The following B2M variants were observed in gnomAD, a reference collection of about 807,000 sequenced individuals.
B2M encodes beta chain of MHC class I molecules.
A neutral mutation model predicts 14.5 loss-of-function variants in B2M; 3 were observed. The observed-to-expected ratio is 0.21, with a 90% CI of 0.09 to 0.53. B2M has a LOEUF of 0.53. Among genes scored for constraint, B2M ranks in the 20% least tolerant of loss-of-function variants. The probability of loss-of-function intolerance (pLI) is 0.95; values close to 1 mark genes in which losing one functional copy is unlikely to be tolerated. For missense variants in B2M, 107 were observed against 140.8 expected (o/e 0.76, Z 1.21); for synonymous variants, 45 against 52.7 (o/e 0.85, Z 0.64).
chr15:44,717,760 G>T lies in B2M; in HGVS notation c.*168G>T, dbSNP rs1435853302. The T allele has an allele frequency of 1.3e-5, 2 of 152,144 alleles. No homozygotes were observed. Among genetic ancestry groups the T allele is most frequent in the Non-Finnish European group, 2.9e-5 (2 of 68,042 alleles). The allele number at this position is 152,144 out of a possible 1,614,324, so 9.4% of individuals were successfully genotyped here. On this transcript the variant is annotated 3_prime_UTR_variant, in exon 4 of 4. Coordinates refer to ENST00000648006, the MANE Select transcript of B2M (RefSeq NM_004048.4). ...GATCTTCTTTATAATTCTACTTTGAGTGCTGTCTCCATGTTTGATGTATCT... is the reference window on the plus strand; with the variant it reads ...GATCTTCTTTATAATTCTACTTTGATTGCTGTCTCCATGTTTGATGTATCT...
intron 3 of B2M, chr15:44,716,675 G>A: frequency 2.3e-6 from 1 of 439,540 alleles, no homozygotes; most frequent in Non-Finnish European, 4.1e-6. Flanking sequence ...TTTCCACATT[G>A]GACATCTCTG....
chr15:44,711,585 C>G lies in B2M; in HGVS notation c.39C>G (p.Leu13=), dbSNP rs1271545891. Residue 13 remains leucine (L), a synonymous_variant, in exon 1 of 4, where the codon CTC becomes CTG. Transcript: ENST00000648006. The stretch of plus-strand genomic sequence containing the variant: ...TGGCCTTAGCTGTGCTCGCGCTACT[C>G]TCTCTTTCTGGCCTGGAGGCTATCC... ...RSVALAVLAL[L]SLSGLEAIQR... is the part of the protein sequence containing the mutation. 1 of 1,613,970 alleles carries G rather than the reference C, an allele frequency of 6.2e-7. No individual in the cohort carries two copies. The highest frequency in any genetic ancestry group is 1.7e-5 in the Admixed American group (1 of 60,028).
At chr15:44,716,300 CT>C (rs771623337) in intron 2 of B2M, 28 bp from the exon 3 acceptor site, 7 of 1,605,572 alleles carry the variant, frequency 4.4e-6, no homozygotes, top group African/African-American at 1.3e-5. Context: ...TAATGTCTTC[CT>C]TTTTTTTCTC....
chr15:44,715,032 G>A (rs2086926126), intron 1 of B2M: 1 of 294,694 alleles, frequency 3.4e-6, no homozygotes, highest in Non-Finnish European at 6.5e-6. Context: ...GTATCTTGGG[G>A]CCAAATCATG....
At chr15:44,714,921 GGCAT>G in intron 1 of B2M, 8 of 200,464 alleles carry the variant, frequency 4.0e-5, no homozygotes, top group South Asian at 1.5e-4. Flanking sequence ...CAAAAAGAAA[GGCAT>G]AAACATAAGA....
intron 3 of B2M, chr15:44,716,615 G>A (rs760088462): frequency 4.5e-5 from 24 of 535,220 alleles, no homozygotes; most frequent in Non-Finnish European, 7.7e-5. Flanking sequence ...GCAGGATAAA[G>A]GCAGGTGGTT....
intron 2 of B2M, 71 bp from the exon 3 acceptor site, chr15:44,716,258 T>C (rs1366398680): frequency 2.2e-5 from 33 of 1,519,664 alleles, no homozygotes; most frequent in Non-Finnish European, 2.8e-5. Flanking sequence ...TTTTAGACAT[T>C]TGTTAGTACA....
At position 44,711,542 on chromosome 15, in the gene B2M, C is replaced by T. The variant is rs1335729838; in HGVS notation, c.-5C>T. The T allele has an allele frequency of 1.3e-5, 21 of 1,613,542 alleles. No homozygotes were observed. The highest frequency in any genetic ancestry group is 4.0e-5 in the African/African-American group (3 of 74,912). On this transcript the variant is annotated 5_prime_UTR_variant, in exon 1 of 4. Coordinates refer to ENST00000648006, the MANE Select transcript of B2M (RefSeq NM_004048.4). ...ATTCCTGAAGCTGACAGCATTCGGG[C>T]CGAGATGTCTCGCTCCGTGGCCTTA...
chr15:44,716,082 G>A (rs368751324), intron 2 of B2M: 71 of 608,894 alleles, frequency 1.2e-4, no homozygotes, highest in South Asian at 9.1e-4. Flanking sequence ...GCCTTTGTTT[G>A]TAAGTCCTGC....
At position 44,715,721 on chromosome 15, in the gene B2M, G is replaced by T; in HGVS notation, c.346+20G>T. 6.2e-7 allele frequency: 1 copy of T among 1,613,888 alleles called. No individual in the cohort carries two copies. On this transcript the variant is annotated intron_variant, in intron 2 of 3. Transcript: ENST00000648006. ...AGTGGGGTAAGTCTTACATTCTTTT[G>T]TAAGCTGCTGAAAGTTGTGTATGAG... is the stretch of plus-strand genomic sequence containing the variant.
intron 1 of B2M, chr15:44,713,713 G>C (rs2086912363): frequency 6.6e-6 from 1 of 152,134 alleles, no homozygotes; most frequent in African/African-American, 2.4e-5. Flanking sequence ...TGATCCCTGA[G>C]GCATTTAATA....
In B2M at chr15:44,716,994, T is replaced by C. The variant is rs556440571; in HGVS notation, c.*15-613T>C. On this transcript the variant is annotated intron_variant, in intron 3 of 3. Transcript: ENST00000648006. ...ATGAAATTCTACTGCCCAGGGTACA[T>C]TGATGCTGAAACCCCATTCAAATCT... 268 of 152,562 alleles carry C rather than the reference T, an allele frequency of 1.8e-3. 1 individual carries two copies. Among genetic ancestry groups the C allele is most frequent in the Non-Finnish European group, 2.0e-3 (139 of 68,214 alleles). The allele number at this position is 152,562 out of a possible 1,614,324, so 9.5% of individuals were successfully genotyped here.
intron 1 of B2M, among the ~76,000 whole-genome samples, chr15:44,712,508 G>C (rs1448941357): frequency 6.6e-6 from 1 of 152,196 alleles, no homozygotes; most frequent in Admixed American, 6.5e-5. Flanking sequence ...AGCCTAACCA[G>C]GGCTTTTGCG....
intron 1 of B2M, 38 bp downstream of exon 1, chr15:44,711,651 T>G: frequency 6.3e-7 from 1 of 1,589,348 alleles, no homozygotes; most frequent in Non-Finnish European, 8.6e-7. Flanking sequence ...GTCCTTCCTC[T>G]CCCGCTCTGC....
At chr15:44,714,958 C>G in intron 1 of B2M, 2 of 209,936 alleles carry the variant, frequency 9.5e-6, no homozygotes, top group South Asian at 6.5e-5. Flanking sequence ...GGGGTGGAAA[C>G]AGAGTACAAT....
In B2M at chr15:44,715,649, T is replaced by C. The variant is rs1409933368; in HGVS notation, c.294T>C (p.Tyr98=). The change falls in exon 2 of 4, where the codon TAT becomes TAC. Residue 98 remains tyrosine (Y), a synonymous_variant. Transcript: ENST00000648006. ...TEFTPTEKDE[Y]ACRVNHVTLS... Reference sequence around the variant, plus strand: ...TCACCCCCACTGAAAAAGATGAGTATGCCTGCCGTGTGAACCATGTGACTT... The same window carrying C: ...TCACCCCCACTGAAAAAGATGAGTACGCCTGCCGTGTGAACCATGTGACTT... The C allele has an allele frequency of 6.2e-7, 1 of 1,614,246 alleles. No individual in the cohort carries two copies. Among genetic ancestry groups the C allele is most frequent in the East Asian group, 2.2e-5 (1 of 44,890 alleles).
Position 44,715,455 on chromosome 15 carries a change from C to G in B2M, c.100C>G (p.Pro34Ala), listed in dbSNP as rs11553035. 6.2e-7 allele frequency: 1 copy of G among 1,614,090 alleles called. No homozygotes were observed. Among genetic ancestry groups the G allele is most frequent in the Non-Finnish European group, 8.5e-7 (1 of 1,180,022 alleles). ...TPKIQVYSRH[P>A]AENGKSNFLN... Reference sequence around the variant, plus strand: ...AAAGATTCAGGTTTACTCACGTCATCCAGCAGAGAATGGAAAGTCAAATTT... The same window carrying G: ...AAAGATTCAGGTTTACTCACGTCATGCAGCAGAGAATGGAAAGTCAAATTT... Residue 34 changes from proline to alanine, a missense_variant, in exon 2 of 4, where the codon CCA (proline) becomes GCA (alanine). Pro to Ala is a conservative substitution (Grantham distance 27). Coordinates refer to ENST00000648006, the MANE Select transcript of B2M (RefSeq NM_004048.4).
At chr15:44,716,433 C>A in intron 3 of B2M, 77 bp downstream of exon 3, 1 of 1,388,368 alleles carries the variant, frequency 7.2e-7, no homozygotes, top group Non-Finnish European at 1.0e-6. Flanking sequence ...AACATGATAA[C>A]CCTCACTATG....
intron 1 of B2M, chr15:44,713,639 GCT>G (rs1191404045): frequency 5.3e-5 from 8 of 152,208 alleles, no homozygotes; most frequent in Admixed American, 6.5e-5. Flanking sequence ...TTACAGTGAT[GCT>G]CTCACAAAAT....
Sources: allele counts gnomAD v4.1 joint callset (sites outside exome capture counted in the v4.1 genomes callset), GRCh38; gene constraint gnomAD v4.1.1; transcripts MANE v1.5; gene names NCBI Gene and HGNC (gene_info 2026-07-23, HGNC 2026-07-21).